Variants in PRKN observed in about 807,000 individuals in gnomAD.
PRKN encodes parkin RBR E3 ubiquitin protein ligase, also known as E3 ubiquitin-protein ligase parkin.
Under a neutral mutation model 59.5 loss-of-function variants are expected in PRKN, and 56 were observed. That is an observed-to-expected ratio of 0.94 (90% CI 0.76 to 1.18). The LOEUF is 1.18. Ranked by LOEUF, PRKN falls within the 50% of genes most tolerant of loss-of-function variation. The probability of loss-of-function intolerance (pLI) is 0.00; values close to 1 mark genes in which losing one functional copy is unlikely to be tolerated. For synonymous variants in PRKN, 250 were observed against 222.1 expected (o/e 1.13, Z -1.12); for missense variants, 657 against 596.4 (o/e 1.10, Z -1.06).
Position 161,549,392 on chromosome 6 carries a change from C to T in PRKN, c.934-389G>A, listed in dbSNP as rs928644592. Among the ~76,000 whole-genome samples the T allele has an allele frequency of 3.3e-5, 5 of 152,048 alleles. No individual in the cohort carries two copies. Among genetic ancestry groups the T allele is most frequent in the African/African-American group, 4.8e-5 (2 of 41,386 alleles). ...TAAATGATGAACACTTTTAATACAT[C>T]GCTATCAATCTTATAAAGCAATATA... is the stretch of plus-strand genomic sequence containing the variant. On this transcript the variant is annotated intron_variant, in intron 8 of 11. Transcript: ENST00000366898. This position sits in a 1 kb window ranked among gnomAD's most constrained non-coding sequence, Gnocchi z 6.0.
Position 161,355,120 on chromosome 6 carries a change from G to T in PRKN, c.1286-4909C>A, listed in dbSNP as rs1466147988. On this transcript the variant is annotated intron_variant, in intron 11 of 11. Coordinates refer to ENST00000366898, the MANE Select transcript of PRKN (RefSeq NM_004562.3). The surrounding 1 kb of genome is among the most constrained non-coding windows in gnomAD (Gnocchi z 6.8). ...TTCAGCTGAGGCTCCTGCGTGCGGT[G>T]CCTGGAACACGAGCAGCAGGGGCTG... 6.6e-6 allele frequency among the ~76,000 whole-genome samples: 1 copy of T among 152,222 alleles called. No individual in the cohort carries two copies. The highest frequency in any genetic ancestry group is 2.4e-5 in the African/African-American group (1 of 41,468).
intron 9 of PRKN, among the ~76,000 whole-genome samples, chr6:161,535,128 T>C (rs574021529): frequency 6.6e-6 from 1 of 152,358 alleles, no homozygotes; most frequent in East Asian, 1.9e-4. Flanking sequence ...GAGAATTTTC[T>C]AGAATTGTAC....
intron 3 of PRKN, among the ~76,000 whole-genome samples, chr6:162,230,865 T>A (rs1277136349): frequency 6.6e-6 from 1 of 152,208 alleles, no homozygotes; most frequent in South Asian, 2.1e-4. Flanking sequence ...TGCATGCCCA[T>A]CTGAAAATAA....
At chr6:162,659,508 T>C (rs186468983) in intron 1 of PRKN, among the ~76,000 whole-genome samples, 2 of 152,186 alleles carry the variant, frequency 1.3e-5, no homozygotes, top group Non-Finnish European at 2.9e-5. Context: ...CAAGAATTGA[T>C]GAATTCATCA....
chr6:162,430,503 T>C (rs1159159065), intron 2 of PRKN, among the ~76,000 whole-genome samples: 1 of 152,072 alleles, frequency 6.6e-6, no homozygotes, highest in South Asian at 2.1e-4. Flanking sequence ...TGATACATAA[T>C]GGGTGCCCAA....
intron 6 of PRKN, among the ~76,000 whole-genome samples, chr6:161,798,354 G>A (rs1464244461): frequency 6.6e-6 from 1 of 152,208 alleles, no homozygotes; most frequent in African/African-American, 2.4e-5. Context: ...AGCCCTAGGA[G>A]GGTGGTGTGA....
intron 2 of PRKN, among the ~76,000 whole-genome samples, chr6:162,370,800 G>T (rs1037689654): frequency 6.6e-6 from 1 of 152,156 alleles, no homozygotes; most frequent in Non-Finnish European, 1.5e-5. Context: ...GTATTATGTG[G>T]GATATTAGTA....
At chr6:161,849,334 G>A (rs1793331680) in intron 6 of PRKN, among the ~76,000 whole-genome samples, 1 of 152,116 alleles carries the variant, frequency 6.6e-6, no homozygotes, top group Non-Finnish European at 1.5e-5. Context: ...GTCTTAATGG[G>A]TGTTGACAGG....
chr6:162,092,935 T>C (rs9346902), intron 4 of PRKN, among the ~76,000 whole-genome samples: 91,508 of 152,044 alleles, frequency 0.6, 27,704 homozygotes, highest in East Asian at 0.8. Flanking sequence ...GAAACGTCCT[T>C]GATGTTACTG....
chr6:162,640,062 T>C (rs987991928), intron 1 of PRKN, among the ~76,000 whole-genome samples: 1 of 152,140 alleles, frequency 6.6e-6, no homozygotes, highest in African/African-American at 2.4e-5. Flanking sequence ...TCTTGATGAC[T>C]TCCAAATTCT....
chr6:162,381,731 A>AT (rs910265384), intron 2 of PRKN, among the ~76,000 whole-genome samples: 51 of 151,738 alleles, frequency 3.4e-4, no homozygotes, highest in Middle Eastern at 3.4e-3. Flanking sequence ...CTTTTTTCTG[A>AT]TTTTTTTTTA....
In PRKN at chr6:161,385,557, T is replaced by A. The variant is rs1159064960; in HGVS notation, c.1167+1237A>T. ...AGGTTAAGCAATGCTCTTCTTTCCC[T>A]TACAGCTACTGTTTCCAAATAAATA... On this transcript the variant is annotated intron_variant, in intron 10 of 11. Coordinates refer to ENST00000366898, the MANE Select transcript of PRKN (RefSeq NM_004562.3). This position sits in a 1 kb window ranked among gnomAD's most constrained non-coding sequence, Gnocchi z 4.9. Among the ~76,000 whole-genome samples the A allele has an allele frequency of 1.3e-5, 2 of 152,200 alleles. No homozygotes were observed. The highest frequency in any genetic ancestry group is 1.3e-4 in the Admixed American group (2 of 15,286).
chr6:162,232,199 T>A (rs113851883), intron 3 of PRKN, among the ~76,000 whole-genome samples: 243 of 152,266 alleles, frequency 1.6e-3, no homozygotes, highest in Non-Finnish European at 2.9e-3. Flanking sequence ...CCTGACAATT[T>A]CTGCATCTCC....
At position 161,473,931 on chromosome 6, in the gene PRKN, T is replaced by C. The variant is rs1309029374; in HGVS notation, c.1083+74923A>G. Among the ~76,000 whole-genome samples the C allele has an allele frequency of 1.3e-5, 2 of 152,170 alleles. No homozygotes were observed. Among genetic ancestry groups the C allele is most frequent in the Admixed American group, 1.3e-4 (2 of 15,272 alleles). On this transcript the variant is annotated intron_variant, in intron 9 of 11. Transcript: ENST00000366898. The surrounding 1 kb of genome is among the most constrained non-coding windows in gnomAD (Gnocchi z 4.1). ...TAGGATGGAGGGCATGACTTGTGTA[T>C]GTAGACTAGCGGGTTTTCTAATATC...
intron 10 of PRKN, among the ~76,000 whole-genome samples, chr6:161,384,787 G>A (rs1356095129): frequency 6.6e-6 from 1 of 152,176 alleles, no homozygotes; most frequent in Admixed American, 6.5e-5. Flanking sequence ...GACTTTTCCA[G>A]GGAAACCTGG....
intron 7 of PRKN, among the ~76,000 whole-genome samples, chr6:161,770,839 T>C (rs950578775): frequency 8.0e-6 from 1 of 124,596 alleles, no homozygotes. Context: ...CTGGTGTCCT[T>C]AGAAGACGAG....
intron 6 of PRKN, among the ~76,000 whole-genome samples, chr6:161,794,686 C>T (rs1277514196): frequency 1.3e-5 from 2 of 152,128 alleles, no homozygotes; most frequent in Non-Finnish European, 2.9e-5. Context: ...AGTCTCTTTG[C>T]TGCTTTCTTC....
chr6:161,613,679 T>A (rs1782568866), intron 7 of PRKN, among the ~76,000 whole-genome samples: 1 of 152,130 alleles, frequency 6.6e-6, no homozygotes, highest in African/African-American at 2.4e-5. Flanking sequence ...TCAGCAGCCA[T>A]CAACATGAAG....
At chr6:162,428,617 T>G (rs1789358317) in intron 2 of PRKN, among the ~76,000 whole-genome samples, 1 of 152,170 alleles carries the variant, frequency 6.6e-6, no homozygotes, top group South Asian at 2.1e-4. Context: ...AGTATCAATG[T>G]GTCATACTTC....
Sources: gnomAD v4.1 joint callset for allele counts (sites outside exome capture counted in the v4.1 genomes callset) on GRCh38, gnomAD v4.1.1 for gene constraint, Gnocchi (gnomAD v3.1) non-coding constraint, MANE v1.5 for transcripts, NCBI Gene and HGNC (gene_info 2026-07-23, HGNC 2026-07-21) for gene names.